The following SYNJ2 variants were observed in gnomAD, a reference collection of about 807,000 sequenced individuals.
The protein encoded by SYNJ2 is synaptojanin 2, also known as polyphosphatidylinositol phosphatase SYNJ2.
A neutral mutation model predicts 141.3 loss-of-function variants in SYNJ2; 116 were observed. The ratio of observed to expected loss-of-function variants is 0.82; its 90% CI spans 0.71 to 0.96. SYNJ2 has a LOEUF of 0.96. SYNJ2 is among the 40% of genes least tolerant of loss of function. The pLI, the probability that SYNJ2 is intolerant of heterozygous loss-of-function variation, is 0.00. For synonymous variants in SYNJ2, 745 were observed against 777.7 expected (o/e 0.96, Z 0.70); for missense variants, 1,873 against 1,934.8 (o/e 0.97, Z 0.60).
In SYNJ2 at chr6:158,062,143, AG is replaced by A. The variant is rs1258446424; in HGVS notation, c.1111del (p.Glu371ArgfsTer14). 1.9e-6 allele frequency: 3 copies of A among 1,613,878 alleles called. No individual in the cohort carries two copies. Among genetic ancestry groups the A allele is most frequent in the Non-Finnish European group, 2.5e-6 (3 of 1,179,956 alleles). On this transcript the variant is annotated frameshift_variant, in exon 8 of 27. Coordinates refer to ENST00000355585, the MANE Select transcript of SYNJ2 (RefSeq NM_003898.4). LOFTEE classifies it high-confidence loss of function. ...TGGGAAGACTTCGATGTGTTCACAA[AG>A]GGGGAGAACGTCAGTCCACGGTGAG... ...LHWEDFDVFT[K>X]GENVSPRFQK...
intron 1 of SYNJ2, among the ~76,000 whole-genome samples, chr6:158,015,518 C>T (rs774952450): frequency 2.0e-5 from 3 of 152,120 alleles, no homozygotes; most frequent in Non-Finnish European, 4.4e-5. Flanking sequence ...GCAGCATTTC[C>T]TCTAATTAGG....
chr6:158,027,806 G>A lies in SYNJ2; in HGVS notation c.215-950G>A, dbSNP rs1779132305. The A allele has an allele frequency of 6.6e-6, 1 of 152,492 alleles. No homozygotes were observed. The highest frequency in any genetic ancestry group is 6.5e-5 in the Admixed American group (1 of 15,286). 9.4% of individuals were successfully genotyped at this position (152,492 alleles called of 1,614,324 possible). On this transcript the variant is annotated intron_variant, in intron 2 of 26. Transcript: ENST00000355585. This position sits in a 1 kb window ranked among gnomAD's most constrained non-coding sequence, Gnocchi z 4.6. Reference sequence around the variant, plus strand: ...GGAGAGCAAGGAAGGCTTCCCGGAGGAGTTGCTGCCAAGTTGGCCCAGAAG... The same window carrying A: ...GGAGAGCAAGGAAGGCTTCCCGGAGAAGTTGCTGCCAAGTTGGCCCAGAAG...
In SYNJ2 at chr6:158,063,883, G is replaced by A. The variant is rs572455359; in HGVS notation, c.1209+11G>A. 28 of 1,613,142 alleles carry A rather than the reference G, an allele frequency of 1.7e-5. No individual in the cohort carries two copies. The South Asian group carries it at 3.1e-4, about 18-fold the overall frequency. ...TTCATCGCGCTCGAGGTGCGTCCCT[G>A]CCACAGCCTTTTCGGCCATCTGTGC... On this transcript the variant is annotated intron_variant, in intron 9 of 26. Transcript: ENST00000355585.
At chr6:158,051,487 A>G (rs1780560639) in intron 5 of SYNJ2, among the ~76,000 whole-genome samples, 1 of 151,984 alleles carries the variant, frequency 6.6e-6, no homozygotes, top group Non-Finnish European at 1.5e-5. Flanking sequence ...GGACAGAGGT[A>G]ACACAGGCAG....
intron 17 of SYNJ2, 139 bp downstream of exon 17, chr6:158,076,921 C>A: frequency 9.4e-7 from 1 of 1,061,296 alleles, no homozygotes; most frequent in Non-Finnish European, 1.3e-6. Context: ...AAAGTCATCC[C>A]AGACCTTAAC....
chr6:158,067,242 C>T (rs1223626648), intron 12 of SYNJ2, among the ~76,000 whole-genome samples: 2 of 152,240 alleles, frequency 1.3e-5, no homozygotes, highest in African/African-American at 4.8e-5. Flanking sequence ...TGGTCTCGAA[C>T]TCCTGACCTC....
chr6:158,068,898 C>T (rs1781735706), intron 13 of SYNJ2, among the ~76,000 whole-genome samples, 170 bp downstream of exon 13: 1 of 152,308 alleles, frequency 6.6e-6, no homozygotes, highest in Admixed American at 6.5e-5. Flanking sequence ...CTCACACATG[C>T]ACCACCCCGT....
rs1325505331 is a variant in SYNJ2 at position 158,078,046 on chromosome 6, G to A, written c.2450-118G>A. The A allele has an allele frequency of 6.1e-6, 4 of 652,366 alleles. No individual in the cohort carries two copies. In the African/African-American group the frequency reaches 8.7e-5, roughly 14 times the overall value. 40.4% of individuals were successfully genotyped at this position (652,366 alleles called of 1,614,324 possible). On this transcript the variant is annotated intron_variant, in intron 17 of 26. Coordinates refer to ENST00000355585, the MANE Select transcript of SYNJ2 (RefSeq NM_003898.4). ...TTCAAGGTGGAGGAGTAAGGAGGAT[G>A]AGTCTGGGACGTGGGGTGGTTCGTG...
intron 1 of SYNJ2, among the ~76,000 whole-genome samples, chr6:158,011,526 G>A (rs543496159): frequency 6.6e-6 from 1 of 152,324 alleles, no homozygotes; most frequent in South Asian, 2.1e-4. Context: ...ATTGGAATGG[G>A]ACAAGGTGGT....
chr6:158,057,787 C>T (rs1780960803), intron 6 of SYNJ2, among the ~76,000 whole-genome samples: 1 of 152,208 alleles, frequency 6.6e-6, no homozygotes, highest in Admixed American at 6.5e-5. Flanking sequence ...TCACCAGGGG[C>T]AGAGCCTGCA....
intron 2 of SYNJ2, among the ~76,000 whole-genome samples, chr6:158,024,199 C>T (rs986769343): frequency 6.6e-6 from 1 of 152,082 alleles, no homozygotes; most frequent in Non-Finnish European, 1.5e-5. Flanking sequence ...CCAAGGTGGG[C>T]GGACCACTAG....
chr6:158,020,441 ACT>A (rs1397597864), intron 2 of SYNJ2, among the ~76,000 whole-genome samples: 3 of 89,326 alleles, frequency 3.4e-5, no homozygotes, highest in African/African-American at 1.5e-4. Flanking sequence ...TGTATGACTG[ACT>A]CTAACTGTGT....
intron 13 of SYNJ2, 81 bp downstream of exon 13, chr6:158,068,809 CG>C (rs1464298836): frequency 6.7e-7 from 1 of 1,485,134 alleles, no homozygotes; most frequent in Non-Finnish European, 9.3e-7. Flanking sequence ...TGAGGCTCTC[CG>C]GGAGCCAGCC....
intron 3 of SYNJ2, chr6:158,030,571 G>T (rs896946358): frequency 6.6e-6 from 1 of 152,512 alleles, no homozygotes; most frequent in African/African-American, 2.4e-5. Context: ...ATATTTGGGG[G>T]CAGTAATGTG....
In SYNJ2 at chr6:158,096,354, CA is replaced by C; in HGVS notation, c.4486del (p.Thr1496HisfsTer3). 1.2e-6 allele frequency: 2 copies of C among 1,603,026 alleles called. No individual in the cohort carries two copies. Among genetic ancestry groups the C allele is most frequent in the Non-Finnish European group, 1.7e-6 (2 of 1,176,192 alleles). On this transcript the variant is annotated frameshift_variant, in exon 27 of 27. Transcript: ENST00000355585. LOFTEE classifies it high-confidence loss of function. The stretch of plus-strand genomic sequence containing the variant: ...GCACTGCAGGTGTTTGACCCACTGG[CA>C]AAAACATGACTGAGCAGCTTTGAAG... The part of the protein sequence containing the change: ...RTALQVFDPL[A>X]KT
At chr6:158,046,897 C>G (rs547665102) in intron 5 of SYNJ2, among the ~76,000 whole-genome samples, 3 of 148,930 alleles carry the variant, frequency 2.0e-5, no homozygotes, top group East Asian at 1.9e-4. Flanking sequence ...AGCTTCCCCC[C>G]ACCATATGCT....
At chr6:158,003,714 G>A (rs909066452) in intron 1 of SYNJ2, among the ~76,000 whole-genome samples, 1 of 152,202 alleles carries the variant, frequency 6.6e-6, no homozygotes. Context: ...TTACTGAGCT[G>A]GACTGGCTCT....
intron 23 of SYNJ2, among the ~76,000 whole-genome samples, chr6:158,087,401 T>C (rs1744168): frequency 0.68 from 103,030 of 152,068 alleles, 36,356 homozygotes; most frequent in African/African-American, 0.89. Context: ...GGAGGTGACC[T>C]GGTCACCCCT....
chr6:158,058,794 G>A (rs1314568746), intron 6 of SYNJ2, among the ~76,000 whole-genome samples: 1 of 152,182 alleles, frequency 6.6e-6, no homozygotes, highest in East Asian at 1.9e-4. Flanking sequence ...TTAGCCAGAT[G>A]TGGTGGCATG....
Sources: allele counts gnomAD v4.1 joint callset (sites outside exome capture counted in the v4.1 genomes callset), GRCh38; gene constraint gnomAD v4.1.1; non-coding constraint Gnocchi (gnomAD v3.1); transcripts MANE v1.5; gene names NCBI Gene and HGNC (gene_info 2026-07-23, HGNC 2026-07-21).